Variants in CMC2 observed in about 807,000 individuals in gnomAD.
The protein encoded by CMC2 is COX assembly mitochondrial protein 2 homolog.
A neutral mutation model predicts 7.5 loss-of-function variants in CMC2; 5 were observed. The observed-to-expected ratio is 0.66, with a 90% CI of 0.35 to 1.40. CMC2 has a LOEUF of 1.40. CMC2 is among the 40% of genes most tolerant of loss of function. CMC2 has a pLI of 0.04. For missense variants in CMC2, 115 were observed against 92.3 expected, an observed-to-expected ratio of 1.25 and a Z score of -1.01; for synonymous variants, 37 against 31.4, an observed-to-expected ratio of 1.18 and a Z score of -0.60.
At chr16:80,988,403 A>G in intron 2 of CMC2, 1 of 603,070 alleles carries the variant, frequency 1.7e-6, no homozygotes, top group South Asian at 2.0e-5. Flanking sequence ...TCAGTTAGGT[A>G]AAGTATTTCT....
In CMC2 at chr16:80,970,654, G is replaced by GT. The variant is rs1383411377; in HGVS notation, c.*5438dup. Reference sequence around the variant, plus strand: ...ATTACTGTTACTATTCAAAAGTGATGTGACTGTCTACATAGAAAAATCTAA... The same window carrying GT: ...ATTACTGTTACTATTCAAAAGTGATGTTGACTGTCTACATAGAAAAATCTAA... On this transcript the variant is annotated 3_prime_UTR_variant, in exon 4 of 4. Transcript: ENST00000219400. 6.6e-6 allele frequency: 1 copy of GT among 152,192 alleles called. No individual in the cohort carries two copies. Among genetic ancestry groups the GT allele is most frequent in the Non-Finnish European group, 1.5e-5 (1 of 68,034 alleles). 9.4% of individuals were successfully genotyped at this position (152,192 alleles called of 1,614,324 possible). A position where few individuals can be genotyped will look rare whatever the true frequency, so the allele number is the denominator to read the frequency against.
chr16:81,005,123 C>T (rs2151659861), intron 1 of CMC2, among the ~76,000 whole-genome samples: 1 of 152,356 alleles, frequency 6.6e-6, no homozygotes, highest in Middle Eastern at 3.4e-3. Context: ...GTAAACACTC[C>T]GCTTTCTAAA....
chr16:80,983,981 C>CAA (rs201661396), intron 2 of CMC2: 67 of 116,508 alleles, frequency 5.8e-4, no homozygotes, highest in Non-Finnish European at 1.0e-3. Flanking sequence ...AACTCCATCT[C>CAA]AAAAAAAAAA....
chr16:80,999,506 T>C (rs775507614), intron 1 of CMC2, among the ~76,000 whole-genome samples: 2 of 152,092 alleles, frequency 1.3e-5, no homozygotes, highest in Non-Finnish European at 2.9e-5. Flanking sequence ...AATCTACATA[T>C]TCAACACTAC....
At chr16:80,987,525 C>T (rs766126503) in intron 2 of CMC2, among the ~76,000 whole-genome samples, 9 of 152,142 alleles carry the variant, frequency 5.9e-5, no homozygotes, top group Admixed American at 2.0e-4. Context: ...GTTCTAAATT[C>T]TGTATTTTAC....
chr16:80,981,767 T>C (rs775851155), intron 3 of CMC2, 39 bp downstream of exon 3: 1 of 1,326,976 alleles, frequency 7.5e-7, no homozygotes, highest in Non-Finnish European at 1.1e-6. Flanking sequence ...TGTTCTGTTC[T>C]ATTGTTCAAC....
intron 2 of CMC2, 80 bp downstream of exon 2, chr16:80,997,234 T>G: frequency 1.2e-6 from 1 of 825,056 alleles, no homozygotes; most frequent in Non-Finnish European, 2.1e-6. Flanking sequence ...TTTCCTTCTA[T>G]CAACGGAGAT....
At chr16:80,997,487 G>A in intron 1 of CMC2, 58 bp from the exon 2 acceptor site, 1 of 895,430 alleles carries the variant, frequency 1.1e-6, no homozygotes, top group African/African-American at 1.6e-5. Context: ...CCACCTAAAA[G>A]TATCTTCATA....
chr16:80,976,917 A>G (rs1317263446), intron 3 of CMC2, among the ~76,000 whole-genome samples: 2 of 152,100 alleles, frequency 1.3e-5, no homozygotes, highest in Non-Finnish European at 2.9e-5. Flanking sequence ...AATGACTTTT[A>G]TTTCATAAAG....
rs1969392689 is a variant in CMC2 at position 81,006,729 on chromosome 16, C to G, written c.-36+5G>C. On this transcript the variant is annotated splice_donor_5th_base_variant and intron_variant, in intron 1 of 3. Transcript: ENST00000219400. ...TTCGGAACGGCCTGGACTCCCGAGA[C>G]TCACCCGACTCGTGGCCACACCGGG... 1 of 985,478 alleles carries G rather than the reference C, an allele frequency of 1.0e-6. No homozygotes were observed. Among genetic ancestry groups the G allele is most frequent in the African/African-American group, 1.7e-5 (1 of 57,248 alleles). 61.0% of individuals were successfully genotyped at this position (985,478 alleles called of 1,614,324 possible).
Position 80,969,960 on chromosome 16 carries a change from G to C in CMC2, c.*6133C>G, listed in dbSNP as rs886961128. The C allele has an allele frequency of 6.6e-6, 1 of 152,152 alleles. No homozygotes were observed. Among genetic ancestry groups the C allele is most frequent in the South Asian group, 2.1e-4 (1 of 4,822 alleles). The allele number at this position is 152,152 out of a possible 1,614,324, so 9.4% of individuals were successfully genotyped here. On this transcript the variant is annotated 3_prime_UTR_variant, in exon 4 of 4. Coordinates refer to ENST00000219400, the MANE Select transcript of CMC2 (RefSeq NM_020188.5). ...TCCTTAGGAATCTGCTGGAAAATGA[G>C]GCTCAGACAACCAAAATGACTAGGG...
At chr16:81,006,127 ACT>A (rs1454966048) in intron 1 of CMC2, among the ~76,000 whole-genome samples, 1 of 152,020 alleles carries the variant, frequency 6.6e-6, no homozygotes, top group Non-Finnish European at 1.5e-5. Context: ...TTTACTTAAG[ACT>A]CTACGTAAAA....
chr16:80,970,541 A>G lies in CMC2; in HGVS notation c.*5552T>C, dbSNP rs1297432564. 6.6e-6 allele frequency: 1 copy of G among 152,238 alleles called. No homozygotes were observed. Among genetic ancestry groups the G allele is most frequent in the Non-Finnish European group, 1.5e-5 (1 of 68,038 alleles). The allele number at this position is 152,238 out of a possible 1,614,324, so 9.4% of individuals were successfully genotyped here. ...AGGATTTAACATCAGTCACAAGAGA[A>G]GTCTGATGTATCTATTAAACATTAT... On this transcript the variant is annotated 3_prime_UTR_variant, in exon 4 of 4. Coordinates refer to ENST00000219400, the MANE Select transcript of CMC2 (RefSeq NM_020188.5).
intron 2 of CMC2, among the ~76,000 whole-genome samples, chr16:80,992,705 C>CTTTTTT (rs71390989): frequency 4.0e-4 from 37 of 92,516 alleles, no homozygotes; most frequent in African/African-American, 1.0e-3. Flanking sequence ...ATTCCCCCTC[C>CTTTTTT]TTTTTTTTTT....
At chr16:80,981,303 C>A (rs1424207270) in intron 3 of CMC2, among the ~76,000 whole-genome samples, 2 of 152,098 alleles carry the variant, frequency 1.3e-5, no homozygotes, top group Non-Finnish European at 2.9e-5. Context: ...CCAAGTTGTG[C>A]CCTAAAATCA....
Position 81,006,769 on chromosome 16 carries a change from A to G in CMC2, c.-71T>C. 1 of 985,656 alleles carries G rather than the reference A, an allele frequency of 1.0e-6. No homozygotes were observed. Among genetic ancestry groups the G allele is most frequent in the South Asian group, 4.7e-5 (1 of 21,288 alleles). 61.1% of individuals were successfully genotyped at this position (985,656 alleles called of 1,614,324 possible). On this transcript the variant is annotated 5_prime_UTR_variant, in exon 1 of 4. Coordinates refer to ENST00000219400, the MANE Select transcript of CMC2 (RefSeq NM_020188.5). ...GCCACACCGGGAGAACTGAAGCGGC[A>G]GTAGCCGGCGGAGACGCCCGACCCG...
chr16:80,997,400 G>C lies in CMC2; in HGVS notation c.-6C>G. 6.3e-7 allele frequency: 1 copy of C among 1,593,336 alleles called. No homozygotes were observed. The highest frequency in any genetic ancestry group is 1.3e-5 in the African/African-American group (1 of 74,194). Reference sequence around the variant, plus strand: ...GGAGATAAGTCAGGATGCATCTTTAGGAGATGAGGATGGATCACAGCAGTG... The same window carrying C: ...GGAGATAAGTCAGGATGCATCTTTACGAGATGAGGATGGATCACAGCAGTG... On this transcript the variant is annotated 5_prime_UTR_variant, in exon 2 of 4. Transcript: ENST00000219400.
At chr16:80,991,689 C>T (rs2151636286) in intron 2 of CMC2, 1 of 219,850 alleles carries the variant, frequency 4.5e-6, no homozygotes. Flanking sequence ...GCCAGGTGAT[C>T]AACGTCAACA....
intron 1 of CMC2, among the ~76,000 whole-genome samples, chr16:81,002,197 G>A (rs887856689): frequency 6.6e-6 from 1 of 152,184 alleles, no homozygotes; most frequent in Non-Finnish European, 1.5e-5. Context: ...GGCTGAGGCA[G>A]GTGGATCACC....
Sources: allele counts gnomAD v4.1 joint callset (sites outside exome capture counted in the v4.1 genomes callset), GRCh38; gene constraint gnomAD v4.1.1; transcripts MANE v1.5; gene names NCBI Gene and HGNC (gene_info 2026-07-23, HGNC 2026-07-21).